The following GALNT13 variants were observed in gnomAD, a reference collection of about 807,000 sequenced individuals.
GALNT13 encodes the protein UDP-GalNAc:polypeptide N-acetylgalactosaminyltransferase 13.
Under a neutral mutation model 64.2 loss-of-function variants are expected in GALNT13, and 28 were observed. The ratio of observed to expected loss-of-function variants is 0.44; its 90% CI spans 0.32 to 0.60. The LOEUF is 0.60. Among genes scored for constraint, GALNT13 ranks in the 20% least tolerant of loss-of-function variants. GALNT13 has a pLI of 0.05. For missense variants in GALNT13, 577 were observed against 669.8 expected, an observed-to-expected ratio of 0.86 and a Z score of 1.53; for synonymous variants, 214 against 224.6, an observed-to-expected ratio of 0.95 and a Z score of 0.42.
intron 3 of GALNT13, among the ~76,000 whole-genome samples, chr2:153,974,404 T>A (rs1693943813): frequency 6.6e-6 from 1 of 152,116 alleles, no homozygotes; most frequent in Non-Finnish European, 1.5e-5. Flanking sequence ...TGAGCCTCAG[T>A]TTTTTCATCT....
rs561489804 is a variant in GALNT13 at position 154,144,494 on chromosome 2, A to C, written c.311+3989A>C. On this transcript the variant is annotated intron_variant, in intron 4 of 12. Coordinates refer to ENST00000392825, the MANE Select transcript of GALNT13 (RefSeq NM_052917.4). ...AAAGAATAGGATTCTAAAATAATTA[A>C]TTTACGAAGAAGCTGAATTTATTTT... 2.0e-5 allele frequency among the ~76,000 whole-genome samples: 3 copies of C among 152,274 alleles called. No homozygotes were observed. In the South Asian group the frequency reaches 6.2e-4, roughly 32 times the overall value.
the GALNT13 span, among the ~76,000 whole-genome samples, chr2:153,778,688 A>G: frequency 6.6e-6 from 1 of 152,256 alleles, no homozygotes; most frequent in East Asian, 1.9e-4. Context: ...TCTCTGCTAA[A>G]TAATTCCAAC....
chr2:153,235,793 C>T, the GALNT13 span, among the ~76,000 whole-genome samples: 1 of 152,232 alleles, frequency 6.6e-6, no homozygotes, highest in Non-Finnish European at 1.5e-5. Flanking sequence ...ACCACCCTAT[C>T]TAACCAACCT....
At chr2:153,809,252 G>A in the GALNT13 span, among the ~76,000 whole-genome samples, 1 of 152,076 alleles carries the variant, frequency 6.6e-6, no homozygotes, top group Non-Finnish European at 1.5e-5. Context: ...AAACATTTAG[G>A]ATGTTTTCTC....
chr2:153,076,024 T>C, the GALNT13 span, among the ~76,000 whole-genome samples: 1 of 152,228 alleles, frequency 6.6e-6, no homozygotes, highest in African/African-American at 2.4e-5. Context: ...CTGCTATTGA[T>C]GGGCATTTCT....
intron 3 of GALNT13, among the ~76,000 whole-genome samples, chr2:153,948,011 G>T (rs1007222019): frequency 6.6e-6 from 1 of 151,940 alleles, no homozygotes; most frequent in African/African-American, 2.4e-5. Flanking sequence ...ACTTATTTCT[G>T]GGTTCTGTAT....
the GALNT13 span, among the ~76,000 whole-genome samples, chr2:153,534,256 G>A: frequency 6.6e-6 from 1 of 152,082 alleles, no homozygotes. Context: ...TGGACATGAT[G>A]TACTGGGTAC....
chr2:154,242,021 C>CT lies in GALNT13; in HGVS notation c.312-4dup, dbSNP rs34850083. ...TTTATTAAGATCCCTCTTCTTTTCT[C>CT]TTTTTCAGATGTAAGACAAAAGTCT... On this transcript the variant is annotated splice_polypyrimidine_tract_variant and intron_variant, in intron 4 of 12. Coordinates refer to ENST00000392825, the MANE Select transcript of GALNT13 (RefSeq NM_052917.4). 2 of 1,552,246 alleles carry CT rather than the reference C, an allele frequency of 1.3e-6. No homozygotes were observed. The highest frequency in any genetic ancestry group is 1.2e-5 in the South Asian group (1 of 82,690).
the GALNT13 span, among the ~76,000 whole-genome samples, chr2:153,539,528 C>G: frequency 2.0e-5 from 3 of 151,892 alleles, no homozygotes; most frequent in Admixed American, 1.3e-4. Context: ...GGTTTTAGGT[C>G]TAACGTTTAA....
chr2:153,094,496 C>G, the GALNT13 span, among the ~76,000 whole-genome samples: 2 of 152,162 alleles, frequency 1.3e-5, no homozygotes, highest in Non-Finnish European at 2.9e-5. Context: ...CCATCCCCAT[C>G]AAGCTACCAA....
chr2:153,844,080 A>C, the GALNT13 span, among the ~76,000 whole-genome samples: 1 of 152,114 alleles, frequency 6.6e-6, no homozygotes, highest in Admixed American at 6.5e-5. Flanking sequence ...AGTCCCCTTC[A>C]TACAGCTCCA....
intron 3 of GALNT13, among the ~76,000 whole-genome samples, chr2:154,037,778 A>G (rs1686170153): frequency 6.6e-6 from 1 of 152,202 alleles, no homozygotes; most frequent in Admixed American, 6.5e-5. Flanking sequence ...AAAAAATTAC[A>G]TACCTAAGAT....
chr2:153,515,228 G>T, the GALNT13 span, among the ~76,000 whole-genome samples: 2 of 152,040 alleles, frequency 1.3e-5, no homozygotes, highest in African/African-American at 4.8e-5. Flanking sequence ...CACTTGATAG[G>T]TCATAGAAAC....
chr2:153,122,972 A>G, the GALNT13 span, among the ~76,000 whole-genome samples: 1 of 152,100 alleles, frequency 6.6e-6, no homozygotes, highest in African/African-American at 2.4e-5. Context: ...AAGATGAGGG[A>G]ACTGGAGGTA....
At chr2:153,726,734 A>G in the GALNT13 span, among the ~76,000 whole-genome samples, 1 of 151,962 alleles carries the variant, frequency 6.6e-6, no homozygotes, top group Non-Finnish European at 1.5e-5. Flanking sequence ...AGGTCAGGAG[A>G]TCAAGACCAT....
the GALNT13 span, among the ~76,000 whole-genome samples, chr2:153,463,580 A>G: frequency 2.0e-5 from 3 of 152,220 alleles, no homozygotes; most frequent in Non-Finnish European, 4.4e-5. Context: ...CATAGTAGTC[A>G]GCATGATGTA....
At chr2:153,400,351 A>G in the GALNT13 span, among the ~76,000 whole-genome samples, 1 of 152,190 alleles carries the variant, frequency 6.6e-6, no homozygotes, top group Non-Finnish European at 1.5e-5. Flanking sequence ...GGATTTGTGC[A>G]TCGATGTTCT....
intron 3 of GALNT13, among the ~76,000 whole-genome samples, chr2:154,130,407 A>C (rs2105544745): frequency 6.6e-6 from 1 of 152,272 alleles, no homozygotes; most frequent in South Asian, 2.1e-4. Flanking sequence ...AACCGCCCTC[A>C]ACAAAGTTTC....
intron 11 of GALNT13, among the ~76,000 whole-genome samples, chr2:154,417,174 A>G (rs1700045664): frequency 2.0e-5 from 3 of 151,132 alleles, no homozygotes; most frequent in African/African-American, 7.3e-5. Flanking sequence ...TTTTCAGTGT[A>G]GTTTCCCCAA....
Sources: allele counts gnomAD v4.1 joint callset (sites outside exome capture counted in the v4.1 genomes callset), GRCh38; gene constraint gnomAD v4.1.1; transcripts MANE v1.5; gene names NCBI Gene and HGNC (gene_info 2026-07-23, HGNC 2026-07-21).